Variants in ARHGAP15 observed in about 807,000 individuals in gnomAD.
The protein encoded by ARHGAP15 is rho GTPase-activating protein 15.
In ARHGAP15, 51 loss-of-function variants were observed where a neutral mutation model predicts 63.7. That is an observed-to-expected ratio of 0.80 (90% CI 0.64 to 1.01). ARHGAP15 has a LOEUF of 1.01. Among genes scored for constraint, ARHGAP15 ranks in the 50% least tolerant of loss-of-function variants. ARHGAP15 has a pLI of 0.00. For missense variants in ARHGAP15, 560 were observed against 564.6 expected (o/e 0.99, Z 0.08); for synonymous variants, 191 against 193.8 (o/e 0.99, Z 0.12).
At chr2:143,334,958 G>A (rs1684707085) in intron 6 of ARHGAP15, among the ~76,000 whole-genome samples, 1 of 152,156 alleles carries the variant, frequency 6.6e-6, no homozygotes, top group Non-Finnish European at 1.5e-5. Context: ...GGCAAACACT[G>A]GGATGAGAAT....
intron 11 of ARHGAP15, among the ~76,000 whole-genome samples, chr2:143,595,219 G>A (rs80251444): frequency 0.069 from 10,486 of 152,094 alleles, 451 homozygotes; most frequent in Middle Eastern, 0.15. Flanking sequence ...AGAGTGAACC[G>A]ATTTGACATT....
intron 9 of ARHGAP15, among the ~76,000 whole-genome samples, chr2:143,497,602 AG>A (rs1198832962): frequency 6.6e-6 from 1 of 152,076 alleles, no homozygotes; most frequent in Non-Finnish European, 1.5e-5. Context: ...GGGCCTCCAT[AG>A]ACCTACGAAC....
intron 12 of ARHGAP15, among the ~76,000 whole-genome samples, chr2:143,653,644 CTT>C (rs956584897): frequency 2.0e-5 from 3 of 152,082 alleles, no homozygotes; most frequent in Non-Finnish European, 2.9e-5. Context: ...CTGATTAAAA[CTT>C]AAGAAACATG....
At chr2:143,510,737 T>G (rs1693547732) in intron 9 of ARHGAP15, among the ~76,000 whole-genome samples, 2 of 152,174 alleles carry the variant, frequency 1.3e-5, no homozygotes, top group Admixed American at 6.5e-5. Flanking sequence ...ATTGTCTGAT[T>G]TGTTTTTGTG....
chr2:143,247,559 T>G (rs1694090906), intron 5 of ARHGAP15, among the ~76,000 whole-genome samples: 1 of 152,334 alleles, frequency 6.6e-6, no homozygotes, highest in South Asian at 2.1e-4. Flanking sequence ...ATGAGAAAAC[T>G]GTAAAAGCTT....
chr2:143,421,939 G>C (rs973954693), intron 6 of ARHGAP15, among the ~76,000 whole-genome samples: 7 of 151,998 alleles, frequency 4.6e-5, no homozygotes, highest in African/African-American at 1.4e-4. Flanking sequence ...GATTGGCAAT[G>C]ATTACTTCTT....
At position 143,369,647 on chromosome 2, in the gene ARHGAP15, T is replaced by G. The variant is rs376848679; in HGVS notation, c.475-65954T>G. ...TGCAGGTTGAATTTGCCATAGATAA[T>G]GCAGGCATTTGGGCCATACATATAA... On this transcript the variant is annotated intron_variant, in intron 6 of 13. Transcript: ENST00000295095. Among the ~76,000 whole-genome samples, 5 of 152,280 alleles carry G rather than the reference T, an allele frequency of 3.3e-5. No individual in the cohort carries two copies. The South Asian group carries it at 1.0e-3, about 32-fold the overall frequency.
intron 8 of ARHGAP15, among the ~76,000 whole-genome samples, chr2:143,471,191 T>TACACACATATATGTGTGTATATATAC (rs1308211122): frequency 7.1e-6 from 1 of 141,500 alleles, no homozygotes; most frequent in South Asian, 2.1e-4. Flanking sequence ...TGTGTATATA[T>TACACACATATATGTGTGTATATATAC]ACACACATAT....
intron 6 of ARHGAP15, among the ~76,000 whole-genome samples, chr2:143,416,745 C>T (rs2105038808): frequency 6.6e-6 from 1 of 152,094 alleles, no homozygotes; most frequent in Non-Finnish European, 1.5e-5. Context: ...GTAACACAAG[C>T]CATTTACAGA....
At chr2:143,692,018 G>A (rs956484993) in intron 12 of ARHGAP15, among the ~76,000 whole-genome samples, 1 of 152,206 alleles carries the variant, frequency 6.6e-6, no homozygotes, top group Admixed American at 6.5e-5. Flanking sequence ...GAGGATATCT[G>A]TTGTTAGGTG....
chr2:143,431,387 A>G (rs895749842), intron 6 of ARHGAP15, among the ~76,000 whole-genome samples: 86 of 152,138 alleles, frequency 5.7e-4, no homozygotes, highest in African/African-American at 2.0e-3. Context: ...AAATTACTTT[A>G]TGATAGTGGA....
At chr2:143,421,040 C>CT (rs1450180481) in intron 6 of ARHGAP15, among the ~76,000 whole-genome samples, 3 of 152,216 alleles carry the variant, frequency 2.0e-5, no homozygotes, top group Non-Finnish European at 2.9e-5. Context: ...ATCTCTGTCT[C>CT]TGATAGTTTG....
In ARHGAP15 at chr2:143,764,427, A is replaced by G. The variant is rs111976640; in HGVS notation, c.1245-3562A>G. Among the ~76,000 whole-genome samples the G allele has an allele frequency of 1.2e-4, 18 of 152,102 alleles. 2 individuals carry two copies. The highest frequency in any genetic ancestry group is 3.9e-4 in the African/African-American group (16 of 41,486). ...TTTACATAATCTCTTTCCCCTTTCA[A>G]ACTTCCTTGGTTCACTCCCCCACAT... On this transcript the variant is annotated intron_variant, in intron 13 of 13. Coordinates refer to ENST00000295095, the MANE Select transcript of ARHGAP15 (RefSeq NM_018460.4).
chr2:143,403,303 TG>T (rs1490463472), intron 6 of ARHGAP15, among the ~76,000 whole-genome samples: 1 of 151,884 alleles, frequency 6.6e-6, no homozygotes, highest in African/African-American at 2.4e-5. Context: ...ACACTCCACT[TG>T]CCAATGCCTG....
At chr2:143,555,455 A>G (rs1293579290) in intron 10 of ARHGAP15, among the ~76,000 whole-genome samples, 1 of 152,160 alleles carries the variant, frequency 6.6e-6, no homozygotes, top group Non-Finnish European at 1.5e-5. Context: ...AAGAATATAC[A>G]TTCTTGACAT....
rs962414548 is a variant in ARHGAP15 at position 143,612,772 on chromosome 2, G to A, written c.1004-11361G>A. ...GGTGGAGCCAGATTGCCTGGACTCCGCTACTAAATACCTGAGTGAACCTGA... is the reference window on the plus strand; with the variant it reads ...GGTGGAGCCAGATTGCCTGGACTCCACTACTAAATACCTGAGTGAACCTGA... On this transcript the variant is annotated intron_variant, in intron 11 of 13. Transcript: ENST00000295095. Among the ~76,000 whole-genome samples, 108 of 152,202 alleles carry A rather than the reference G, an allele frequency of 7.1e-4. 2 individuals are homozygous for A. The highest frequency in any genetic ancestry group is 1.4e-3 in the Admixed American group (21 of 15,278).
chr2:143,276,678 G>A (rs935795749), intron 6 of ARHGAP15, among the ~76,000 whole-genome samples: 1 of 152,080 alleles, frequency 6.6e-6, no homozygotes, highest in Admixed American at 6.5e-5. Flanking sequence ...CACATCTGTA[G>A]TTTTAGCTAC....
chr2:143,673,758 G>GTGTGTGTGTGTATATATATATA (rs1553520615), intron 12 of ARHGAP15, among the ~76,000 whole-genome samples: 5 of 22,128 alleles, frequency 2.3e-4, no homozygotes, highest in Non-Finnish European at 7.1e-4. Context: ...GTGTGTGTGT[G>GTGTGTGTGTGTATATATATATA]TATATATATA....
chr2:143,454,138 G>C (rs1180215913), intron 8 of ARHGAP15, among the ~76,000 whole-genome samples: 2 of 151,976 alleles, frequency 1.3e-5, no homozygotes, highest in Non-Finnish European at 2.9e-5. Context: ...CCGTCATTGA[G>C]AGGCCCTGAG....
Sources: allele counts gnomAD v4.1 joint callset (sites outside exome capture counted in the v4.1 genomes callset), GRCh38; gene constraint gnomAD v4.1.1; transcripts MANE v1.5; gene names NCBI Gene and HGNC (gene_info 2026-07-23, HGNC 2026-07-21).